The following FLT1 variants were observed in gnomAD, a reference collection of about 807,000 sequenced individuals.
The protein encoded by FLT1 is vascular endothelial growth factor receptor 1.
In FLT1, 49 loss-of-function variants were observed where a neutral mutation model predicts 156.3. That is an observed-to-expected ratio of 0.31 (90% CI 0.25 to 0.40). The LOEUF is 0.40. Among genes scored for constraint, FLT1 ranks in the 10% least tolerant of loss-of-function variants. FLT1 has a pLI of 1.00. For synonymous variants in FLT1, 594 were observed against 583.8 expected (o/e 1.02, Z -0.25); for missense variants, 1,322 against 1,637.2 (o/e 0.81, Z 3.32).
In FLT1 at chr13:28,334,013, C is replaced by T. The variant is rs1872025159; in HGVS notation, c.2593+12G>A. 5 of 1,548,980 alleles carry T rather than the reference C, an allele frequency of 3.2e-6. No individual in the cohort carries two copies. The highest frequency in any genetic ancestry group is 2.2e-5 in the East Asian group (1 of 44,548). On this transcript the variant is annotated intron_variant, in intron 18 of 29. Coordinates refer to ENST00000282397, the MANE Select transcript of FLT1 (RefSeq NM_002019.4). Reference sequence around the variant, plus strand: ...GATGGGTCAGTTGAAAGCCAAACTACAGCATACATACCTTTCAGCATTTTC... The same window carrying T: ...GATGGGTCAGTTGAAAGCCAAACTATAGCATACATACCTTTCAGCATTTTC...
At chr13:28,361,538 A>AAGGTATTAGAG (rs1451825179) in intron 14 of FLT1, among the ~76,000 whole-genome samples, 2 of 152,196 alleles carry the variant, frequency 1.3e-5, no homozygotes, top group African/African-American at 4.8e-5. Flanking sequence ...TCAACAGATT[A>AAGGTATTAGAG]AGGTATTAGA....
At chr13:28,314,885 G>A (rs1011648918) in intron 25 of FLT1, among the ~76,000 whole-genome samples, 2 of 152,218 alleles carry the variant, frequency 1.3e-5, no homozygotes, top group Non-Finnish European at 2.9e-5. Context: ...AGGCACGGGA[G>A]CTACCTGAGC....
At chr13:28,493,963 AACGGTATTTGGGCCCTGGGCTG>A (rs1881602314) in intron 1 of FLT1, among the ~76,000 whole-genome samples, 1 of 152,212 alleles carries the variant, frequency 6.6e-6, no homozygotes. Context: ...TCAGTAAGTT[AACGGTATTTGGGCCCTGGGCTG>A]CCCTTGTGGG....
intron 1 of FLT1, among the ~76,000 whole-genome samples, chr13:28,486,699 T>A (rs774884732): frequency 6.6e-6 from 1 of 152,258 alleles, no homozygotes; most frequent in Non-Finnish European, 1.5e-5. Context: ...CAATTTAATC[T>A]AGACTCATTG....
At chr13:28,438,120 G>T in intron 4 of FLT1, 101 bp downstream of exon 4, 1 of 1,204,196 alleles carries the variant, frequency 8.3e-7, no homozygotes, top group Non-Finnish European at 1.2e-6. Context: ...GAGAAGCCCA[G>T]GTGTTTGTAA....
chr13:28,412,338 C>CTTTCT (rs1555236481), intron 10 of FLT1, among the ~76,000 whole-genome samples: 4 of 77,730 alleles, frequency 5.1e-5, no homozygotes, highest in Non-Finnish European at 8.5e-5. Context: ...TCTTTTCTTT[C>CTTTCT]TTTCTTTCTT....
intron 3 of FLT1, among the ~76,000 whole-genome samples, chr13:28,447,815 ATATAT>A (rs1159031193): frequency 6.0e-5 from 9 of 150,584 alleles, no homozygotes; most frequent in Non-Finnish European, 1.0e-4. Flanking sequence ...AAAAATCTAG[ATATAT>A]TATGTATCTA....
rs1877863142 is a variant in FLT1, at chr13:28,433,925, G to A, written c.707C>T (p.Thr236Ile). 1.9e-6 allele frequency: 3 copies of A among 1,614,016 alleles called. No individual in the cohort carries two copies. The highest frequency in any genetic ancestry group is 1.1e-5 in the South Asian group (1 of 91,090). ...TCTAAGTAATTTGACTGGGCGTGGTGTGCTTATTTGGACATCTATGATTGT... is the reference window on the plus strand; with the variant it reads ...TCTAAGTAATTTGACTGGGCGTGGTATGCTTATTTGGACATCTATGATTGT... ...TNTIIDVQIS[T>I]PRPVKLLRGH... The change falls in exon 6 of 30, where the codon ACA (threonine) becomes ATA (isoleucine). Residue 236 changes from threonine (T) to isoleucine (I), a missense_variant. By Grantham distance (89) the Thr-to-Ile change is moderately conservative. Transcript: ENST00000282397.
At chr13:28,387,994 C>A (rs1319136485) in intron 13 of FLT1, 1 of 1,059,816 alleles carries the variant, frequency 9.4e-7, no homozygotes, top group East Asian at 5.2e-5. Context: ...TCCAATTCAC[C>A]ATTTTGTTTT....
intron 1 of FLT1, among the ~76,000 whole-genome samples, chr13:28,477,533 G>A (rs1282401133): frequency 6.6e-6 from 1 of 152,316 alleles, no homozygotes; most frequent in Non-Finnish European, 1.5e-5. Context: ...GACAGGGCAC[G>A]AGACATAACT....
At chr13:28,491,842 C>G (rs74896264) in intron 1 of FLT1, among the ~76,000 whole-genome samples, 5 of 152,142 alleles carry the variant, frequency 3.3e-5, no homozygotes, top group Non-Finnish European at 5.9e-5. Flanking sequence ...ATTTTACATA[C>G]GAAAACAAAG....
intron 16 of FLT1, among the ~76,000 whole-genome samples, chr13:28,339,681 TC>T (rs1347610861): frequency 1.3e-5 from 2 of 152,154 alleles, no homozygotes; most frequent in Non-Finnish European, 2.9e-5. Context: ...CCCATGGCCA[TC>T]TTGTATAAGC....
At chr13:28,462,710 T>C (rs1354262555) in intron 3 of FLT1, among the ~76,000 whole-genome samples, 1 of 152,108 alleles carries the variant, frequency 6.6e-6, no homozygotes, top group Non-Finnish European at 1.5e-5. Flanking sequence ...CCTTCCAGGA[T>C]TCTGAGTGTC....
chr13:28,441,033 A>G (rs1364515118), intron 3 of FLT1, among the ~76,000 whole-genome samples: 1 of 152,160 alleles, frequency 6.6e-6, no homozygotes, highest in Non-Finnish European at 1.5e-5. Flanking sequence ...CCGTCTCCCA[A>G]CAGATAGGAA....
chr13:28,454,450 T>C (rs932015505), intron 3 of FLT1, among the ~76,000 whole-genome samples: 2 of 152,226 alleles, frequency 1.3e-5, no homozygotes, highest in Non-Finnish European at 2.9e-5. Context: ...GCACTCTTGA[T>C]TATGGGAGGT....
chr13:28,427,458 CT>C, intron 9 of FLT1, 140 bp from the exon 10 acceptor site: 1 of 833,904 alleles, frequency 1.2e-6, no homozygotes, highest in Non-Finnish European at 2.0e-6. Context: ...ATAAACCCTC[CT>C]ATTTGTCAAG....
At position 28,427,329 on chromosome 13, in the gene FLT1, G is replaced by C; in HGVS notation, c.1277-11C>G. The C allele has an allele frequency of 6.2e-7, 1 of 1,613,748 alleles. No individual in the cohort carries two copies. Among genetic ancestry groups the C allele is most frequent in the Non-Finnish European group, 8.5e-7 (1 of 1,179,722 alleles). Reference sequence around the variant, plus strand: ...AAATCTGGGGTTTCACTGGAAAGGAGATGAAGAACGGGACAGAAGTCAAGA... The same window carrying C: ...AAATCTGGGGTTTCACTGGAAAGGACATGAAGAACGGGACAGAAGTCAAGA... On this transcript the variant is annotated splice_polypyrimidine_tract_variant and intron_variant, in intron 9 of 29. Transcript: ENST00000282397.
At chr13:28,381,576 C>CAAAACA (rs1874080546) in intron 14 of FLT1, among the ~76,000 whole-genome samples, 1 of 151,974 alleles carries the variant, frequency 6.6e-6, no homozygotes, top group Non-Finnish European at 1.5e-5. Flanking sequence ...AACAAACAAA[C>CAAAACA]AAAACAAAAA....
intron 29 of FLT1, among the ~76,000 whole-genome samples, chr13:28,304,697 C>T (rs1193155001): frequency 2.0e-5 from 3 of 152,142 alleles, no homozygotes; most frequent in Non-Finnish European, 2.9e-5. Context: ...TTCCTCACGC[C>T]CTCCAGCCCC....
Sources: allele counts gnomAD v4.1 joint callset (sites outside exome capture counted in the v4.1 genomes callset), GRCh38; gene constraint gnomAD v4.1.1; transcripts MANE v1.5; gene names NCBI Gene and HGNC (gene_info 2026-07-23, HGNC 2026-07-21).